SGCZ: variants seen among roughly 807,000 people sequenced by gnomAD.
SGCZ encodes zeta-sarcoglycan.
A neutral mutation model predicts 41.3 loss-of-function variants in SGCZ; 40 were observed. The observed-to-expected ratio is 0.97, with a 90% CI of 0.75 to 1.26. The LOEUF (loss-of-function observed/expected upper bound fraction) is 1.26, where lower values mean the gene tolerates loss of function less well. Ranked by LOEUF, SGCZ falls within the 50% of genes most tolerant of loss-of-function variation. The pLI, the probability that SGCZ is intolerant of heterozygous loss-of-function variation, is 0.00. For synonymous variants in SGCZ, 206 were observed against 137.5 expected (o/e 1.50, Z -3.49); for missense variants, 552 against 369.8 (o/e 1.49, Z -4.04).
chr8:14,759,959 T>A (rs996315441), intron 1 of SGCZ, among the ~76,000 whole-genome samples: 1 of 152,200 alleles, frequency 6.6e-6, no homozygotes, highest in East Asian at 1.9e-4. Context: ...AAACTTGAAA[T>A]TGTAAAGATT....
At chr8:15,055,817 C>T (rs1262531021) in intron 1 of SGCZ, among the ~76,000 whole-genome samples, 1 of 152,196 alleles carries the variant, frequency 6.6e-6, no homozygotes, top group Non-Finnish European at 1.5e-5. Context: ...TTTTCATCCA[C>T]GAACCCAGCC....
chr8:14,469,673 G>C (rs1585557410), intron 2 of SGCZ, among the ~76,000 whole-genome samples: 1 of 152,098 alleles, frequency 6.6e-6, no homozygotes, highest in South Asian at 2.1e-4. Context: ...TAGAGGGTTA[G>C]AACTTTCAAC....
At chr8:14,798,538 G>C (rs369430607) in intron 1 of SGCZ, among the ~76,000 whole-genome samples, 35 of 152,206 alleles carry the variant, frequency 2.3e-4, no homozygotes, top group African/African-American at 7.9e-4. Flanking sequence ...AAGAAAAAAA[G>C]CAAGACTTTG....
At chr8:15,163,876 G>A (rs566821800) in intron 1 of SGCZ, among the ~76,000 whole-genome samples, 1 of 152,314 alleles carries the variant, frequency 6.6e-6, no homozygotes, top group South Asian at 2.1e-4. Context: ...TATTGAGACA[G>A]CCAGGTGGGA....
At chr8:14,230,119 A>G (rs1190582045) in intron 4 of SGCZ, among the ~76,000 whole-genome samples, 6 of 152,108 alleles carry the variant, frequency 3.9e-5, no homozygotes, top group Admixed American at 3.9e-4. Context: ...TTTTGTCAGG[A>G]TAATTGAATA....
chr8:15,133,332 T>C (rs141254903), intron 1 of SGCZ, among the ~76,000 whole-genome samples: 102 of 152,302 alleles, frequency 6.7e-4, no homozygotes, highest in African/African-American at 2.3e-3. Context: ...AGTCAGTACT[T>C]GTTTTCATAA....
At chr8:14,554,975 A>AT in intron 1 of SGCZ, 49 bp from the exon 2 acceptor site, 1 of 1,477,946 alleles carries the variant, frequency 6.8e-7, no homozygotes, top group Non-Finnish European at 9.1e-7. Flanking sequence ...AAAAAGAAGC[A>AT]TTAAAAAAAA....
At chr8:15,041,458 A>G (rs1369153795) in intron 1 of SGCZ, among the ~76,000 whole-genome samples, 1 of 152,066 alleles carries the variant, frequency 6.6e-6, no homozygotes, top group Admixed American at 6.6e-5. Context: ...TAGTAATTAC[A>G]TGATTTATAT....
chr8:15,023,641 T>C (rs1428462207), intron 1 of SGCZ, among the ~76,000 whole-genome samples: 1 of 152,210 alleles, frequency 6.6e-6, no homozygotes, highest in Non-Finnish European at 1.5e-5. Flanking sequence ...ACATTTTTAT[T>C]ATATTTTTTA....
intron 1 of SGCZ, among the ~76,000 whole-genome samples, chr8:14,637,519 C>T (rs976519355): frequency 6.6e-6 from 1 of 151,752 alleles, no homozygotes; most frequent in Non-Finnish European, 1.5e-5. Flanking sequence ...CCCATCTTTA[C>T]ATCCATACGT....
intron 1 of SGCZ, among the ~76,000 whole-genome samples, chr8:14,799,705 T>C (rs1801255491): frequency 6.6e-6 from 1 of 152,046 alleles, no homozygotes; most frequent in Non-Finnish European, 1.5e-5. Context: ...TTTTTTTAAA[T>C]TTAAAAAGCG....
chr8:15,142,154 CT>C (rs1798907148), intron 1 of SGCZ, among the ~76,000 whole-genome samples: 1 of 152,056 alleles, frequency 6.6e-6, no homozygotes, highest in Non-Finnish European at 1.5e-5. Context: ...CGAGATGATT[CT>C]TTTCATAAAA....
At chr8:14,107,543 C>T (rs1293449549) in intron 6 of SGCZ, among the ~76,000 whole-genome samples, 2 of 152,182 alleles carry the variant, frequency 1.3e-5, no homozygotes, top group East Asian at 3.9e-4. Flanking sequence ...ATAGCTTTCT[C>T]AGCGCCCTAT....
intron 2 of SGCZ, among the ~76,000 whole-genome samples, chr8:14,433,058 A>G (rs1299270225): frequency 6.6e-6 from 1 of 152,174 alleles, no homozygotes; most frequent in African/African-American, 2.4e-5. Context: ...ACAACAAACA[A>G]AAAATATATG....
intron 6 of SGCZ, among the ~76,000 whole-genome samples, chr8:14,107,075 G>C (rs1802226757): frequency 6.6e-6 from 1 of 151,916 alleles, no homozygotes; most frequent in African/African-American, 2.4e-5. Context: ...AATTAACCGG[G>C]CACAATGGCG....
intron 1 of SGCZ, among the ~76,000 whole-genome samples, chr8:14,668,823 T>A (rs2117503703): frequency 6.6e-6 from 1 of 152,234 alleles, no homozygotes; most frequent in South Asian, 2.1e-4. Flanking sequence ...AACATATATT[T>A]AAGGTATGCA....
At chr8:14,370,565 A>C (rs115377667) in intron 2 of SGCZ, among the ~76,000 whole-genome samples, 1 of 151,882 alleles carries the variant, frequency 6.6e-6, no homozygotes, top group African/African-American at 2.4e-5. Context: ...TTCTTACTCA[A>C]GTTCTCTTTT....
chr8:14,792,156 A>C (rs886416150), intron 1 of SGCZ, among the ~76,000 whole-genome samples: 3 of 152,210 alleles, frequency 2.0e-5, no homozygotes, highest in Admixed American at 6.6e-5. Flanking sequence ...GGTGTGATAA[A>C]TACACTTTTC....
At chr8:14,157,042 C>G (rs1803896409) in intron 5 of SGCZ, among the ~76,000 whole-genome samples, 1 of 152,006 alleles carries the variant, frequency 6.6e-6, no homozygotes, top group Admixed American at 6.6e-5. Flanking sequence ...GTATTATGTA[C>G]TGTGCATAAC....
Sources: gnomAD v4.1 joint callset for allele counts (sites outside exome capture counted in the v4.1 genomes callset) on GRCh38, gnomAD v4.1.1 for gene constraint, MANE v1.5 for transcripts, NCBI Gene and HGNC (gene_info 2026-07-23, HGNC 2026-07-21) for gene names.